EPHB2: variants seen among roughly 807,000 people sequenced by gnomAD.
EPHB2 encodes the protein EPH receptor B2.
EPHB2 carries 18 observed loss-of-function variants against 96.4 expected under a neutral mutation model. That is an observed-to-expected ratio of 0.19 (90% CI 0.13 to 0.28). EPHB2 has a LOEUF of 0.28. EPHB2 is among the 10% of genes least tolerant of loss of function. The pLI, the probability that EPHB2 is intolerant of heterozygous loss-of-function variation, is 1.00. For synonymous variants in EPHB2, 506 were observed against 534.1 expected, an observed-to-expected ratio of 0.95 and a Z score of 0.72; for missense variants, 989 against 1,355.4, an observed-to-expected ratio of 0.73 and a Z score of 4.25.
Position 22,917,267 on chromosome 1 carries a change from C to T in EPHB2, c.*3697C>T, listed in dbSNP as rs1440771492. On this transcript the variant is annotated 3_prime_UTR_variant, in exon 16 of 16. Transcript: ENST00000374630. ...GCTCATCTCCAAAAGGCTGGGAGCT[C>T]CCGCCCTGCCCAGTTAATCCTCCTG... is the stretch of plus-strand genomic sequence containing the variant. 6.6e-6 allele frequency: 1 copy of T among 152,250 alleles called. No homozygotes were observed. The highest frequency in any genetic ancestry group is 1.5e-5 in the Non-Finnish European group (1 of 68,154). The allele number at this position is 152,250 out of a possible 1,614,324, so 9.4% of individuals were successfully genotyped here. A position where few individuals can be genotyped will look rare whatever the true frequency, so the allele number is the denominator to read the frequency against.
intron 3 of EPHB2, among the ~76,000 whole-genome samples, chr1:22,814,109 G>T (rs1185677910): frequency 6.6e-6 from 1 of 152,138 alleles, no homozygotes; most frequent in African/African-American, 2.4e-5. Flanking sequence ...GGCAGAGGTT[G>T]CAGTGAGCCG....
chr1:22,834,893 C>T (rs1416347107), intron 3 of EPHB2, among the ~76,000 whole-genome samples: 1 of 151,944 alleles, frequency 6.6e-6, no homozygotes, highest in Non-Finnish European at 1.5e-5. Context: ...CCACTGCACT[C>T]CAGCCTGAGC....
intron 3 of EPHB2, among the ~76,000 whole-genome samples, chr1:22,821,977 G>GA (rs1645158553): frequency 1.3e-5 from 2 of 151,884 alleles, no homozygotes; most frequent in African/African-American, 2.4e-5. Context: ...GGATAAGGGA[G>GA]AAAAAAAACT....
intron 5 of EPHB2, among the ~76,000 whole-genome samples, chr1:22,881,934 C>G (rs988125971): frequency 1.3e-5 from 2 of 152,236 alleles, no homozygotes; most frequent in Non-Finnish European, 2.9e-5. Flanking sequence ...GCACTGCACA[C>G]AGCCCCCTGA....
chr1:22,894,775 T>C (rs949858367), intron 7 of EPHB2, among the ~76,000 whole-genome samples: 19 of 152,114 alleles, frequency 1.2e-4, no homozygotes, highest in Non-Finnish European at 2.5e-4. Context: ...GGGGTGCTAC[T>C]TTCTTTGTGA....
chr1:22,902,463 C>T (rs1428384043), intron 9 of EPHB2, among the ~76,000 whole-genome samples: 1 of 152,144 alleles, frequency 6.6e-6, no homozygotes, highest in Non-Finnish European at 1.5e-5. Context: ...GTCTAAAGAC[C>T]CCTAGAGCTT....
At chr1:22,772,620 A>G (rs1391692483) in intron 1 of EPHB2, among the ~76,000 whole-genome samples, 1 of 152,142 alleles carries the variant, frequency 6.6e-6, no homozygotes. Flanking sequence ...ACCCAAGGCC[A>G]TCCTGGGCTC....
At chr1:22,715,815 C>T (rs1314680208) in intron 1 of EPHB2, among the ~76,000 whole-genome samples, 3 of 152,302 alleles carry the variant, frequency 2.0e-5, no homozygotes, top group South Asian at 2.1e-4. Flanking sequence ...AGCCTTCAGG[C>T]GCAAACAGAC....
At chr1:22,889,242 G>A (rs1486821568) in intron 6 of EPHB2, among the ~76,000 whole-genome samples, 1 of 152,176 alleles carries the variant, frequency 6.6e-6, no homozygotes, top group East Asian at 1.9e-4. Flanking sequence ...GAGCTGCTCA[G>A]GTTGGTTCCT....
rs1640225037 is a variant in EPHB2 at position 22,914,848 on chromosome 1, G to A, written c.*1278G>A. On this transcript the variant is annotated 3_prime_UTR_variant, in exon 16 of 16. Coordinates refer to ENST00000374630, the MANE Select transcript of EPHB2 (RefSeq NM_017449.5). ...CAAGGTGGAGGAGCTTCCCACTCCAGGACTGTTGATGAAAGGGACAGATTG... is the reference window on the plus strand; with the variant it reads ...CAAGGTGGAGGAGCTTCCCACTCCAAGACTGTTGATGAAAGGGACAGATTG... The A allele has an allele frequency of 6.6e-6, 1 of 152,638 alleles. No individual in the cohort carries two copies. The highest frequency in any genetic ancestry group is 1.5e-5 in the Non-Finnish European group (1 of 68,050). 9.5% of individuals were successfully genotyped at this position (152,638 alleles called of 1,614,324 possible).
At position 22,858,869 on chromosome 1, in the gene EPHB2, G is replaced by A. The variant is rs934088922; in HGVS notation, c.812-4168G>A. The stretch of plus-strand genomic sequence containing the variant: ...GGGGGTGGGGCTCGATCCCCTTCCA[G>A]CCCCTCATTCATCCACCCATCACCC... On this transcript the variant is annotated intron_variant, in intron 3 of 15. Transcript: ENST00000374630. The surrounding 1 kb of genome is among the most constrained non-coding windows in gnomAD (Gnocchi z 7.7). Among the ~76,000 whole-genome samples the A allele has an allele frequency of 3.3e-5, 5 of 152,168 alleles. No homozygotes were observed. The highest frequency in any genetic ancestry group is 3.3e-4 in the Admixed American group (5 of 15,282).
Position 22,789,951 on chromosome 1 carries a change from C to G in EPHB2, c.811+4875C>G, listed in dbSNP as rs532237682. Among the ~76,000 whole-genome samples, 7 of 152,172 alleles carry G rather than the reference C, an allele frequency of 4.6e-5. No individual in the cohort carries two copies. The East Asian group carries it at 1.4e-3, about 29-fold the overall frequency. ...ACTCAGGGCTTGGTCTGAAGTGGCT[C>G]CTGGGTGAGCAGGGGACTCAGACAC... On this transcript the variant is annotated intron_variant, in intron 3 of 15. Coordinates refer to ENST00000374630, the MANE Select transcript of EPHB2 (RefSeq NM_017449.5).
At chr1:22,767,734 G>C (rs574521147) in intron 1 of EPHB2, among the ~76,000 whole-genome samples, 22 of 152,056 alleles carry the variant, frequency 1.4e-4, no homozygotes, top group Non-Finnish European at 2.6e-4. Flanking sequence ...CACCTCGAAG[G>C]CTCTCTTGAT....
intron 11 of EPHB2, 117 bp from the exon 12 acceptor site, chr1:22,907,836 A>C (rs1178999638): frequency 1.2e-5 from 15 of 1,289,376 alleles, no homozygotes; most frequent in Non-Finnish European, 1.7e-5. Flanking sequence ...GTCCTTCCCC[A>C]GGGGAGCCCA....
At chr1:22,772,885 C>G (rs1400099352) in intron 1 of EPHB2, among the ~76,000 whole-genome samples, 1 of 152,214 alleles carries the variant, frequency 6.6e-6, no homozygotes, top group Non-Finnish European at 1.5e-5. Context: ...TTTCCTGAGG[C>G]AGCATAGTCT....
At chr1:22,713,712 G>A (rs1410591489) in intron 1 of EPHB2, among the ~76,000 whole-genome samples, 1 of 152,166 alleles carries the variant, frequency 6.6e-6, no homozygotes, top group Non-Finnish European at 1.5e-5. Flanking sequence ...AGAGCCACAT[G>A]GCTACCACTT....
chr1:22,747,663 C>T lies in EPHB2; in HGVS notation c.62-33758C>T, dbSNP rs374928615. Among the ~76,000 whole-genome samples the T allele has an allele frequency of 7.2e-5, 11 of 152,230 alleles. No homozygotes were observed. In the East Asian group the frequency reaches 1.5e-3, roughly 21 times the overall value. ...CATCAGGGACCTCTGCCAGCAGGGG[C>T]GGCCTGCAGGAGAGCAGGCAAGCGA... On this transcript the variant is annotated intron_variant, in intron 1 of 15. Transcript: ENST00000374630.
Position 22,784,937 on chromosome 1 carries a change from C to T in EPHB2, c.672C>T (p.Gly224=), listed in dbSNP as rs368738883. The T allele has an allele frequency of 4.9e-5, 79 of 1,613,804 alleles. No individual in the cohort carries two copies. Among genetic ancestry groups the T allele is most frequent in the Non-Finnish European group, 6.7e-5 (79 of 1,180,058 alleles). ...GCACATCGCTGGTGGCTGCCCGGGG[C>T]AGCTGCATCGCCAATGCGGAAGAGG... The part of the protein sequence containing the change: ...AESTSLVAAR[G]SCIANAEEVD... Residue 224 remains glycine, a synonymous_variant, in exon 3 of 16, where the codon GGC becomes GGT. Transcript: ENST00000374630. This position sits in a 1 kb window ranked among gnomAD's most constrained non-coding sequence, Gnocchi z 5.1.
intron 1 of EPHB2, among the ~76,000 whole-genome samples, chr1:22,756,261 C>T (rs946746160): frequency 2.6e-5 from 4 of 151,900 alleles, no homozygotes; most frequent in Admixed American, 6.5e-5. Context: ...AGGGGGTGTT[C>T]GGGGAAGGTC....
Sources: gnomAD v4.1 joint callset for allele counts (sites outside exome capture counted in the v4.1 genomes callset) on GRCh38, gnomAD v4.1.1 for gene constraint, Gnocchi (gnomAD v3.1) non-coding constraint, MANE v1.5 for transcripts, NCBI Gene and HGNC (gene_info 2026-07-23, HGNC 2026-07-21) for gene names.